Variants in MAP7D1 observed in about 807,000 individuals in gnomAD.
The protein encoded by MAP7D1 is MAP7 domain containing 1.
MAP7D1 carries 30 observed loss-of-function variants against 97.5 expected under a neutral mutation model. The ratio of observed to expected loss-of-function variants is 0.31; its 90% CI spans 0.23 to 0.42. The LOEUF (loss-of-function observed/expected upper bound fraction) is 0.42. Among genes scored for constraint, MAP7D1 ranks in the 10% least tolerant of loss-of-function variants. The pLI, the probability that MAP7D1 is intolerant of heterozygous loss-of-function variation, is 1.00. For missense variants in MAP7D1, 1,184 were observed against 1,179.5 expected, an observed-to-expected ratio of 1.00 and a Z score of -0.06; for synonymous variants, 536 against 477.1, an observed-to-expected ratio of 1.12 and a Z score of -1.61.
In MAP7D1 at chr1:36,179,936, A is replaced by G. The variant is rs781029976; in HGVS notation, c.2381A>G (p.Gln794Arg). 4.5e-5 allele frequency: 73 copies of G among 1,614,166 alleles called. 1 individual carries two copies. The South Asian group carries it at 5.0e-4, about 11-fold the overall frequency. ...GGCCTGCAGCCTCTCCCAGCACACC[A>G]GGAGAATGGCTTCTCCACCAACGGA... ...VNGLQPLPAH[Q>R]ENGFSTNGPS... is the part of the protein sequence containing the mutation. The change falls in exon 16 of 17, where the codon CAG (glutamine) becomes CGG (arginine). Residue 794 changes from glutamine (Q) to arginine (R), a missense_variant. Physicochemically the swap from Gln to Arg is conservative, Grantham distance 43. Transcript: ENST00000474796.
intron 9 of MAP7D1, 78 bp from the exon 10 acceptor site, chr1:36,178,341 C>T: frequency 6.6e-7 from 1 of 1,511,172 alleles, no homozygotes; most frequent in Non-Finnish European, 8.9e-7. Flanking sequence ...CAGTCCCAGG[C>T]CCAGAACACA....
At chr1:36,158,249 G>A (rs1158950230) in intron 1 of MAP7D1, among the ~76,000 whole-genome samples, 1 of 152,102 alleles carries the variant, frequency 6.6e-6, no homozygotes, top group Non-Finnish European at 1.5e-5. Flanking sequence ...GATCTAGATG[G>A]AGTCACATGA....
In MAP7D1 at chr1:36,169,383, C is replaced by T. The variant is rs922028710; in HGVS notation, c.47-1588C>T. ...CATCCTGGCTAACACCGTGAAACCC[C>T]GTCTCTACTAAAAATACAAAAAATT... is the stretch of plus-strand genomic sequence containing the variant. On this transcript the variant is annotated intron_variant, in intron 1 of 16. Coordinates refer to ENST00000474796, the MANE Select transcript of MAP7D1 (RefSeq NM_001388490.1). Among the ~76,000 whole-genome samples the T allele has an allele frequency of 3.2e-4, 48 of 151,892 alleles. 1 individual carries two copies. Among genetic ancestry groups the T allele is most frequent in the South Asian group, 2.1e-4 (1 of 4,818 alleles).
rs1314837758 is a variant in MAP7D1, at chr1:36,176,190, T to C, written c.851-9T>C. 1 of 1,605,116 alleles carries C rather than the reference T, an allele frequency of 6.2e-7. No individual in the cohort carries two copies. Among genetic ancestry groups the C allele is most frequent in the Non-Finnish European group, 8.5e-7 (1 of 1,178,552 alleles). Reference sequence around the variant, plus strand: ...CGGTGACCGGCTTCGCCTGGCCTTCTACCCCCAGATCGCAGCCTGCAGCTG... The same window carrying C: ...CGGTGACCGGCTTCGCCTGGCCTTCCACCCCCAGATCGCAGCCTGCAGCTG... On this transcript the variant is annotated splice_polypyrimidine_tract_variant and intron_variant, in intron 6 of 16. Transcript: ENST00000474796. The surrounding 1 kb of genome is among the most constrained non-coding windows in gnomAD (Gnocchi z 6.1).
intron 1 of MAP7D1, 130 bp from the exon 2 acceptor site, chr1:36,170,841 C>T (rs1644530690): frequency 9.4e-6 from 6 of 638,302 alleles, no homozygotes; most frequent in Non-Finnish European, 1.7e-5. Flanking sequence ...TGGAACAGGG[C>T]CCGGCACATA....
chr1:36,176,227 G>A lies in MAP7D1; in HGVS notation c.879G>A (p.Glu293=), dbSNP rs755246026. 3 of 1,608,314 alleles carry A rather than the reference G, an allele frequency of 1.9e-6. No individual in the cohort carries two copies. The highest frequency in any genetic ancestry group is 1.3e-5 in the African/African-American group (1 of 74,648). Residue 293 remains glutamate (E), a synonymous_variant, in exon 7 of 17, where the codon GAG becomes GAA. Coordinates refer to ENST00000474796, the MANE Select transcript of MAP7D1 (RefSeq NM_001388490.1). The surrounding 1 kb of genome is among the most constrained non-coding windows in gnomAD (Gnocchi z 6.1). The part of the protein sequence containing the change: ...RNRSLQLSAW[E]SSIVDRLMTP... ...GCAGCCTGCAGCTGAGCGCATGGGA[G>A]AGCAGCATCGTGGATCGTCTGATGA...
intron 1 of MAP7D1, 24 bp downstream of exon 1, chr1:36,156,487 C>A: frequency 6.9e-7 from 1 of 1,445,336 alleles, no homozygotes; most frequent in Non-Finnish European, 9.0e-7. Flanking sequence ...CACGCGGAGG[C>A]GAGATGGGGG....
chr1:36,156,810 C>A (rs919765340), intron 1 of MAP7D1, among the ~76,000 whole-genome samples: 2 of 152,176 alleles, frequency 1.3e-5, no homozygotes, highest in Non-Finnish European at 2.9e-5. Context: ...AGATCCTCTT[C>A]TACTGAGCTA....
intron 1 of MAP7D1, among the ~76,000 whole-genome samples, chr1:36,169,565 A>G (rs943112298): frequency 6.6e-6 from 1 of 152,196 alleles, no homozygotes; most frequent in Non-Finnish European, 1.5e-5. Context: ...CAAAAAAAAA[A>G]AAAAAGAAAA....
rs979094176 is a variant in MAP7D1 at position 36,176,918 on chromosome 1, A to G, written c.1379+76A>G. The stretch of plus-strand genomic sequence containing the variant: ...ATCACCCACAAATATTTGTTGGGCA[A>G]CCACCTCTAGAATGCAACTTCCCTG... On this transcript the variant is annotated intron_variant, in intron 8 of 16. Coordinates refer to ENST00000474796, the MANE Select transcript of MAP7D1 (RefSeq NM_001388490.1). This position sits in a 1 kb window ranked among gnomAD's most constrained non-coding sequence, Gnocchi z 6.1. 3.8e-6 allele frequency: 5 copies of G among 1,302,918 alleles called. No individual in the cohort carries two copies. The highest frequency in any genetic ancestry group is 3.0e-5 in the African/African-American group (2 of 67,086). The allele number at this position is 1,302,918 out of a possible 1,614,324, so 80.7% of individuals were successfully genotyped here. A position where few individuals can be genotyped will look rare whatever the true frequency, so the allele number is the denominator to read the frequency against.
intron 8 of MAP7D1, 82 bp from the exon 9 acceptor site, chr1:36,177,791 G>A (rs1329612337): frequency 6.6e-7 from 1 of 1,507,980 alleles, no homozygotes; most frequent in Non-Finnish European, 8.8e-7. Context: ...TGGGGGAGGG[G>A]GCACCTCCCA....
At position 36,176,876 on chromosome 1, in the gene MAP7D1, CA is replaced by C. The variant is rs1387830643; in HGVS notation, c.1379+35del. On this transcript the variant is annotated intron_variant, in intron 8 of 16. Transcript: ENST00000474796. This position sits in a 1 kb window ranked among gnomAD's most constrained non-coding sequence, Gnocchi z 6.1. ...GGGCGGTGCGAGGGACCCTGCCCCTCACCGGGTCATTTATTCATCACCCACA... is the reference window on the plus strand; with the variant it reads ...GGGCGGTGCGAGGGACCCTGCCCCTCCCGGGTCATTTATTCATCACCCACA... The C allele has an allele frequency of 6.6e-7, 1 of 1,522,948 alleles. No individual in the cohort carries two copies. The highest frequency in any genetic ancestry group is 2.4e-5 in the East Asian group (1 of 42,066). 94.3% of individuals were successfully genotyped at this position (1,522,948 alleles called of 1,614,324 possible). A position where few individuals can be genotyped will look rare whatever the true frequency, so the allele number is the denominator to read the frequency against.
rs549815267 is a variant in MAP7D1, at chr1:36,167,241, T to C, written c.47-3730T>C. Among the ~76,000 whole-genome samples the C allele has an allele frequency of 9.9e-5, 15 of 152,282 alleles. No homozygotes were observed. In the South Asian group the frequency reaches 2.7e-3, roughly 27 times the overall value. On this transcript the variant is annotated intron_variant, in intron 1 of 16. Coordinates refer to ENST00000474796, the MANE Select transcript of MAP7D1 (RefSeq NM_001388490.1). Reference sequence around the variant, plus strand: ...GAAGTTCAGGCAGGATCAGCAAAGATGACTGAGAAATGACAGTCAGCAAGG... The same window carrying C: ...GAAGTTCAGGCAGGATCAGCAAAGACGACTGAGAAATGACAGTCAGCAAGG...
chr1:36,164,831 T>A (rs535534635), intron 1 of MAP7D1, among the ~76,000 whole-genome samples: 1 of 152,212 alleles, frequency 6.6e-6, no homozygotes, highest in Non-Finnish European at 1.5e-5. Flanking sequence ...GTGAGAGGAC[T>A]TTGTAGTCAT....
chr1:36,156,335 T>G lies in MAP7D1; in HGVS notation c.-83T>G. On this transcript the variant is annotated 5_prime_UTR_variant, in exon 1 of 17. The change abolishes an upstream ATG in the 5' untranslated region. Coordinates refer to ENST00000474796, the MANE Select transcript of MAP7D1 (RefSeq NM_001388490.1). ...CCGGGCCGGGCCGGGCCGGGCGTGA[T>G]GCGCCGCGGGACCCCTGTCCTGGCC... 8.1e-7 allele frequency: 1 copy of G among 1,233,506 alleles called. No individual in the cohort carries two copies. The highest frequency in any genetic ancestry group is 1.1e-6 in the Non-Finnish European group (1 of 934,226). 76.4% of individuals were successfully genotyped at this position (1,233,506 alleles called of 1,614,324 possible). A position where few individuals can be genotyped will look rare whatever the true frequency, so the allele number is the denominator to read the frequency against.
At chr1:36,177,322 A>G in intron 8 of MAP7D1, 4 of 294,444 alleles carry the variant, frequency 1.4e-5, no homozygotes, top group South Asian at 1.2e-4. Context: ...AAGTACCCCA[A>G]CACCTAAAAT....
rs958839364 is a variant in MAP7D1, at chr1:36,159,121, G to T, written c.46+2658G>T. On this transcript the variant is annotated intron_variant, in intron 1 of 16. Transcript: ENST00000474796. The surrounding 1 kb of genome is among the most constrained non-coding windows in gnomAD (Gnocchi z 5.4). ...CACCCAGGCTGGAGTGCAATGCCAC[G>T]ATCTCGGCACACTGCAACCTCCGCC... Among the ~76,000 whole-genome samples the T allele has an allele frequency of 2.0e-5, 3 of 151,872 alleles. No homozygotes were observed. The highest frequency in any genetic ancestry group is 4.4e-5 in the Non-Finnish European group (3 of 68,012).
At chr1:36,158,184 G>A (rs948704270) in intron 1 of MAP7D1, among the ~76,000 whole-genome samples, 5 of 152,062 alleles carry the variant, frequency 3.3e-5, no homozygotes, top group Non-Finnish European at 5.9e-5. Flanking sequence ...GTCAGGGGCC[G>A]GTGGGCAGAC....
chr1:36,161,957 C>T (rs1024973353), intron 1 of MAP7D1, among the ~76,000 whole-genome samples: 16 of 151,744 alleles, frequency 1.1e-4, no homozygotes, highest in Non-Finnish European at 1.3e-4. Context: ...TGTGCAGGCC[C>T]TGTTTACATT....
Sources: allele counts gnomAD v4.1 joint callset (sites outside exome capture counted in the v4.1 genomes callset), GRCh38; gene constraint gnomAD v4.1.1; non-coding constraint Gnocchi (gnomAD v3.1); transcripts MANE v1.5; gene names NCBI Gene and HGNC (gene_info 2026-07-23, HGNC 2026-07-21).